Variants in NDUFA10 observed in about 807,000 individuals in gnomAD.
The protein encoded by NDUFA10 is NADH dehydrogenase [ubiquinone] 1 alpha subcomplex subunit 10, mitochondrial.
Under a neutral mutation model 47.8 loss-of-function variants are expected in NDUFA10, and 40 were observed. The observed-to-expected ratio is 0.84, with a 90% CI of 0.65 to 1.09. The LOEUF (loss-of-function observed/expected upper bound fraction) is 1.09, where lower values mean the gene tolerates loss of function less well. Among genes scored for constraint, NDUFA10 ranks in the 50% least tolerant of loss-of-function variants. The pLI is 0.00. For synonymous variants in NDUFA10, 183 were observed against 172.2 expected (o/e 1.06, Z -0.49); for missense variants, 413 against 451.1 (o/e 0.92, Z 0.76).
At chr2:240,020,636 T>C (rs956112181) in intron 3 of NDUFA10, among the ~76,000 whole-genome samples, 6 of 152,214 alleles carry the variant, frequency 3.9e-5, no homozygotes, top group Non-Finnish European at 7.3e-5. Flanking sequence ...TACACAGCTC[T>C]TCCTTTCTGC....
At chr2:239,936,065 A>G (rs1694262030) in intron 4 of NDUFA10, among the ~76,000 whole-genome samples, 1 of 152,178 alleles carries the variant, frequency 6.6e-6, no homozygotes, top group Admixed American at 6.5e-5. Flanking sequence ...AGGTGCTGGG[A>G]TCCTGCAGTT....
intron 6 of NDUFA10, among the ~76,000 whole-genome samples, chr2:240,009,802 A>G (rs1401152244): frequency 6.6e-6 from 1 of 152,256 alleles, no homozygotes; most frequent in Non-Finnish European, 1.5e-5. Flanking sequence ...TTAATTATCT[A>G]TGATCTAACA....
chr2:239,948,039 T>C (rs1226304591), intron 4 of NDUFA10, among the ~76,000 whole-genome samples: 1 of 152,130 alleles, frequency 6.6e-6, no homozygotes, highest in Non-Finnish European at 1.5e-5. Context: ...GGTGGTGAGG[T>C]GGAGGAGGTG....
At chr2:239,980,657 G>A (rs1366597941) in intron 9 of NDUFA10, among the ~76,000 whole-genome samples, 3 of 152,240 alleles carry the variant, frequency 2.0e-5, no homozygotes, top group Non-Finnish European at 4.4e-5. Flanking sequence ...CTAATATGCA[G>A]AAAAGCTTCT....
intron 9 of NDUFA10, among the ~76,000 whole-genome samples, chr2:239,989,494 G>A (rs1264905316): frequency 6.6e-6 from 1 of 152,252 alleles, no homozygotes; most frequent in Non-Finnish European, 1.5e-5. Flanking sequence ...ATTGGGATTT[G>A]CAGTGCAGGC....
intron 4 of NDUFA10, among the ~76,000 whole-genome samples, chr2:239,949,061 C>T (rs537322211): frequency 1.2e-4 from 19 of 152,308 alleles, no homozygotes; most frequent in Admixed American, 1.3e-4. Context: ...TTTAACCCCA[C>T]GAATGCAATG....
intron 6 of NDUFA10, among the ~76,000 whole-genome samples, chr2:240,009,343 G>A (rs1162103048): frequency 1.3e-5 from 2 of 152,190 alleles, no homozygotes; most frequent in Admixed American, 6.5e-5. Context: ...TAGCAGTGTT[G>A]GAGCTGAGTA....
Position 240,011,604 on chromosome 2 carries a change from G to A in NDUFA10, c.749+13C>T, listed in dbSNP as rs756410257. ...AGTTTTAGCCCTGTAAATCAGTCGT[G>A]TGTTTGGCTCACCTCATCTCAGGGA... On this transcript the variant is annotated intron_variant, in intron 6 of 9. Coordinates refer to ENST00000252711, the MANE Select transcript of NDUFA10 (RefSeq NM_004544.4). 5.6e-6 allele frequency: 9 copies of A among 1,598,642 alleles called. No homozygotes were observed. In the African/African-American group the frequency reaches 9.4e-5, roughly 17 times the overall value.
intron 4 of NDUFA10, among the ~76,000 whole-genome samples, chr2:240,017,247 G>A (rs183580329): frequency 1.2e-4 from 19 of 152,232 alleles, no homozygotes; most frequent in African/African-American, 4.3e-4. Context: ...CATCCTCGCC[G>A]AGGCGCAGCT....
intron 9 of NDUFA10, 24 bp downstream of exon 9, chr2:239,990,050 C>T (rs756093084): frequency 8.8e-5 from 137 of 1,551,210 alleles, no homozygotes; most frequent in Non-Finnish European, 1.2e-4. Context: ...CACTGGCCAG[C>T]TTTCTCCATT....
At chr2:239,968,170 T>C (rs967742293) in intron 9 of NDUFA10, among the ~76,000 whole-genome samples, 3 of 152,104 alleles carry the variant, frequency 2.0e-5, no homozygotes, top group African/African-American at 4.8e-5. Flanking sequence ...TGGAAGGTGA[T>C]GGAGGGCGAA....
At chr2:240,020,050 G>GACAATA (rs1478781449) in intron 3 of NDUFA10, among the ~76,000 whole-genome samples, 1 of 152,148 alleles carries the variant, frequency 6.6e-6, no homozygotes, top group Non-Finnish European at 1.5e-5. Context: ...TTCAAAGCAA[G>GACAATA]ACAATAACTC....
intron 4 of NDUFA10, chr2:239,943,037 T>C (rs759383793): frequency 6.5e-6 from 1 of 154,450 alleles, no homozygotes; most frequent in African/African-American, 2.4e-5. Flanking sequence ...AGACCAGAGC[T>C]GGCTTCACCT....
chr2:240,021,320 T>G lies in NDUFA10; in HGVS notation c.337A>C (p.Ser113Arg). 6.2e-7 allele frequency: 1 copy of G among 1,614,194 alleles called. No homozygotes were observed. The highest frequency in any genetic ancestry group is 8.5e-7 in the Non-Finnish European group (1 of 1,180,034). ...GGATCATCGTAAAATTTCTCCAAAC[T>G]ACAGTTGCCATTATAGTCGGTGGCG... Reference protein sequence around the residue: ...PLATDYNGNCSLEKFYDDPRS... With the variant: ...PLATDYNGNCRLEKFYDDPRS... The change falls in exon 3 of 10, where the codon AGT becomes CGT. Residue 113 changes from serine to arginine, a missense_variant. Coordinates refer to ENST00000252711, the MANE Select transcript of NDUFA10 (RefSeq NM_004544.4).
rs1277106281 is a variant in NDUFA10, at chr2:239,945,748, G to C, written c.294+44326C>G. 6.6e-6 allele frequency among the ~76,000 whole-genome samples: 1 copy of C among 152,218 alleles called. No homozygotes were observed. Among genetic ancestry groups the C allele is most frequent in the African/African-American group, 2.4e-5 (1 of 41,448 alleles). ...AACACACAATGAATGTGCACACCAA[G>C]AGAAGTGCTGCAGCTCAACCAGGCA... On this transcript the variant is annotated intron_variant, in intron 4 of 5. Coordinates refer to the NDUFA10 transcript ENST00000419408. This position sits in a 1 kb window ranked among gnomAD's most constrained non-coding sequence, Gnocchi z 4.6.
intron 8 of NDUFA10, among the ~76,000 whole-genome samples, chr2:239,998,863 C>CT (rs1162862149): frequency 6.6e-6 from 1 of 152,184 alleles, no homozygotes. Flanking sequence ...TCCAACATGT[C>CT]TTTTTTTGTA....
intron 4 of NDUFA10, among the ~76,000 whole-genome samples, chr2:239,944,121 C>A (rs1224603846): frequency 6.6e-6 from 1 of 152,194 alleles, no homozygotes. Context: ...AATGAGCCAC[C>A]CTGCCCCTGA....
intron 9 of NDUFA10, among the ~76,000 whole-genome samples, chr2:239,988,041 G>A (rs1300178184): frequency 1.3e-5 from 2 of 152,018 alleles, no homozygotes; most frequent in African/African-American, 4.8e-5. Context: ...ATATAAAACA[G>A]TAAGATAACT....
intron 6 of NDUFA10, among the ~76,000 whole-genome samples, chr2:240,009,898 G>A (rs920212224): frequency 6.6e-6 from 1 of 151,964 alleles, no homozygotes; most frequent in Non-Finnish European, 1.5e-5. Flanking sequence ...TACAAGCCCG[G>A]GAAACCTAAT....
Sources: gnomAD v4.1 joint callset for allele counts (sites outside exome capture counted in the v4.1 genomes callset) on GRCh38, gnomAD v4.1.1 for gene constraint, Gnocchi (gnomAD v3.1) non-coding constraint, MANE v1.5 for transcripts, NCBI Gene and HGNC (gene_info 2026-07-23, HGNC 2026-07-21) for gene names.